Variants in GRID2 observed in about 807,000 individuals in gnomAD.
GRID2 encodes glutamate receptor ionotropic, delta-2.
A neutral mutation model predicts 114.8 loss-of-function variants in GRID2; 33 were observed. That is an observed-to-expected ratio of 0.29 (90% CI 0.22 to 0.38). The LOEUF (loss-of-function observed/expected upper bound fraction) is 0.38, where lower values mean the gene tolerates loss of function less well. Ranked by LOEUF, GRID2 falls within the 10% of genes least tolerant of loss-of-function variation. GRID2 has a pLI of 1.00. For missense variants in GRID2, 1,184 were observed against 1,257.7 expected (o/e 0.94, Z 0.89); for synonymous variants, 505 against 449.9 (o/e 1.12, Z -1.55).
intron 8 of GRID2, among the ~76,000 whole-genome samples, chr4:93,352,783 TTTGTAG>T (rs1200811653): frequency 2.6e-5 from 4 of 152,156 alleles, no homozygotes; most frequent in Non-Finnish European, 5.9e-5. Context: ...CAAGACTATT[TTTGTAG>T]TTGTAGTTGT....
At chr4:93,355,913 C>G (rs558774073) in intron 8 of GRID2, among the ~76,000 whole-genome samples, 1 of 152,122 alleles carries the variant, frequency 6.6e-6, no homozygotes, top group South Asian at 2.1e-4. Context: ...AAGAATGTAA[C>G]TCCAGTTTGT....
intron 14 of GRID2, among the ~76,000 whole-genome samples, chr4:93,729,183 A>C (rs962177976): frequency 2.0e-5 from 3 of 152,184 alleles, no homozygotes; most frequent in African/African-American, 7.2e-5. Context: ...CATGTGAGCC[A>C]CCATGCCCGG....
chr4:93,807,474 C>T (rs1442318545), exon 2 of GRID2: 1 of 152,176 alleles, frequency 6.6e-6, no homozygotes, highest in Non-Finnish European at 1.5e-5. Flanking sequence ...TTCCTCCACA[C>T]CAAGGGACAT....
chr4:92,495,893 A>T (rs2149118209), intron 1 of GRID2, among the ~76,000 whole-genome samples: 1 of 151,974 alleles, frequency 6.6e-6, no homozygotes, highest in South Asian at 2.1e-4. Flanking sequence ...GATAGTATTC[A>T]ACTCCATGAC....
intron 1 of GRID2, among the ~76,000 whole-genome samples, chr4:92,462,942 G>A (rs942774385): frequency 2.0e-5 from 3 of 151,822 alleles, no homozygotes; most frequent in Admixed American, 1.3e-4. Flanking sequence ...TCTAATTTGC[G>A]TAGATATTTA....
At chr4:92,817,685 T>A (rs1184554976) in intron 2 of GRID2, among the ~76,000 whole-genome samples, 1 of 152,038 alleles carries the variant, frequency 6.6e-6, no homozygotes, top group Non-Finnish European at 1.5e-5. Flanking sequence ...TCTTGCCTTA[T>A]GTTGTTAGAT....
At chr4:92,825,286 A>G (rs907533395) in intron 2 of GRID2, among the ~76,000 whole-genome samples, 3 of 152,106 alleles carry the variant, frequency 2.0e-5, no homozygotes, top group African/African-American at 7.2e-5. Flanking sequence ...TTCACCTTCC[A>G]TTGGGGCTCG....
chr4:93,698,212 G>A (rs758611078), intron 14 of GRID2, among the ~76,000 whole-genome samples: 12 of 151,888 alleles, frequency 7.9e-5, no homozygotes, highest in Admixed American at 2.0e-4. Context: ...TTCCAAATGC[G>A]TGTCTGTTTT....
chr4:93,268,323 T>G (rs1360972900), intron 8 of GRID2, among the ~76,000 whole-genome samples: 1 of 152,176 alleles, frequency 6.6e-6, no homozygotes. Flanking sequence ...GAGAATGAGC[T>G]TTTTGGTCTC....
At chr4:93,104,631 A>G (rs572715143) in intron 3 of GRID2, among the ~76,000 whole-genome samples, 2 of 152,326 alleles carry the variant, frequency 1.3e-5, no homozygotes, top group Non-Finnish European at 2.9e-5. Context: ...TACAGAGGAC[A>G]TGAACTCTTC....
chr4:92,989,875 G>T (rs1003836056), intron 2 of GRID2, among the ~76,000 whole-genome samples: 1 of 151,844 alleles, frequency 6.6e-6, no homozygotes, highest in African/African-American at 2.4e-5. Context: ...ATGAAAGAAA[G>T]AAAAAACATA....
At chr4:93,516,312 T>C (rs963730217) in intron 13 of GRID2, among the ~76,000 whole-genome samples, 2 of 152,166 alleles carry the variant, frequency 1.3e-5, no homozygotes, top group African/African-American at 4.8e-5. Flanking sequence ...AAAATTATTC[T>C]GTGACAGGTT....
intron 1 of GRID2, among the ~76,000 whole-genome samples, chr4:92,375,059 G>T (rs1300712644): frequency 6.6e-6 from 1 of 152,116 alleles, no homozygotes; most frequent in Non-Finnish European, 1.5e-5. Context: ...TGACAGTGTA[G>T]AGTGCATCCT....
At chr4:93,545,226 A>G (rs1487399390) in intron 13 of GRID2, among the ~76,000 whole-genome samples, 1 of 152,236 alleles carries the variant, frequency 6.6e-6, no homozygotes, top group Non-Finnish European at 1.5e-5. Flanking sequence ...GGCAGATTCC[A>G]ATTTGTGCTA....
chr4:92,938,071 T>A (rs919241507), intron 2 of GRID2, among the ~76,000 whole-genome samples: 6 of 147,094 alleles, frequency 4.1e-5, no homozygotes, highest in African/African-American at 7.3e-5. Flanking sequence ...TAGATTTTTT[T>A]AAATGCTCTT....
chr4:93,613,326 TCCATCCAGCTTTGTTCTGTTG>T (rs1378137705), intron 13 of GRID2, among the ~76,000 whole-genome samples: 2 of 138,618 alleles, frequency 1.4e-5, no homozygotes, highest in African/African-American at 5.4e-5. Flanking sequence ...AAAATCATTC[TCCATCCAGCTTTGTTCTGTTG>T]CTGGTGAGGA....
chr4:92,810,300 A>T (rs1371870074), intron 2 of GRID2, among the ~76,000 whole-genome samples: 5 of 151,808 alleles, frequency 3.3e-5, no homozygotes, highest in African/African-American at 7.2e-5. Context: ...GTTATTTTAA[A>T]TTTTTTTAAC....
intron 2 of GRID2, among the ~76,000 whole-genome samples, chr4:92,701,403 T>C (rs1257509787): frequency 3.3e-5 from 5 of 152,092 alleles, no homozygotes; most frequent in African/African-American, 1.2e-4. Flanking sequence ...GATGCTAATA[T>C]AATAAAAATT....
chr4:93,565,788 GTC>G (rs1460812561), intron 13 of GRID2, among the ~76,000 whole-genome samples: 4 of 152,122 alleles, frequency 2.6e-5, no homozygotes, highest in Non-Finnish European at 5.9e-5. Flanking sequence ...CGCATTTAGA[GTC>G]TAAAAATTCT....
Sources: gnomAD v4.1 joint callset for allele counts (sites outside exome capture counted in the v4.1 genomes callset) on GRCh38, gnomAD v4.1.1 for gene constraint, MANE v1.5 for transcripts, NCBI Gene and HGNC (gene_info 2026-07-23, HGNC 2026-07-21) for gene names.